Variants in PREX2 observed in about 807,000 individuals in gnomAD.
PREX2 encodes the protein phosphatidylinositol 3,4,5-trisphosphate-dependent Rac exchanger 2 protein.
In PREX2, 107 loss-of-function variants were observed where a neutral mutation model predicts 203.2. The observed-to-expected ratio is 0.53, with a 90% CI of 0.45 to 0.62. The LOEUF (loss-of-function observed/expected upper bound fraction) is 0.62. PREX2 is among the 20% of genes least tolerant of loss of function. PREX2 has a pLI of 0.00. For synonymous variants in PREX2, 672 were observed against 663.6 expected, an observed-to-expected ratio of 1.01 and a Z score of -0.19; for missense variants, 1,777 against 1,955.9, an observed-to-expected ratio of 0.91 and a Z score of 1.72.
chr8:68,083,661 C>T (rs1809597643), intron 18 of PREX2, among the ~76,000 whole-genome samples: 2 of 152,118 alleles, frequency 1.3e-5, no homozygotes, highest in Non-Finnish European at 2.9e-5. Context: ...TTGGGTTTTA[C>T]TATGAGTGAA....
chr8:68,185,019 T>A (rs1405973665), intron 35 of PREX2, among the ~76,000 whole-genome samples: 1 of 152,174 alleles, frequency 6.6e-6, no homozygotes, highest in Non-Finnish European at 1.5e-5. Flanking sequence ...AATCTCAGCG[T>A]TCCTCAGACT....
At chr8:68,014,460 A>T (rs915702213) in intron 1 of PREX2, among the ~76,000 whole-genome samples, 1 of 151,952 alleles carries the variant, frequency 6.6e-6, no homozygotes, top group East Asian at 1.9e-4. Flanking sequence ...GGGGGGCGGC[A>T]TATGTGAGAG....
chr8:67,984,074 A>G (rs1051381461), intron 1 of PREX2, among the ~76,000 whole-genome samples: 2 of 152,144 alleles, frequency 1.3e-5, no homozygotes, highest in South Asian at 4.1e-4. Context: ...TTCCTCCCCA[A>G]CTTGAATTTC....
intron 14 of PREX2, among the ~76,000 whole-genome samples, chr8:68,074,118 C>G (rs555756988): frequency 4.0e-5 from 6 of 151,760 alleles, no homozygotes; most frequent in African/African-American, 1.5e-4. Flanking sequence ...AGGTGTGCAC[C>G]GCTACACCTG....
intron 37 of PREX2, among the ~76,000 whole-genome samples, chr8:68,203,416 TGGG>T (rs1205726979): frequency 1.8e-4 from 28 of 152,200 alleles, no homozygotes; most frequent in African/African-American, 6.5e-4. Context: ...TGTCCTTTGA[TGGG>T]TTCACAGTTG....
chr8:68,060,599 G>A lies in PREX2; in HGVS notation c.1239-80G>A, dbSNP rs1421763044. 3 of 841,810 alleles carry A rather than the reference G, an allele frequency of 3.6e-6. No individual in the cohort carries two copies. In the African/African-American group the frequency reaches 5.2e-5, roughly 15 times the overall value. The allele number at this position is 841,810 out of a possible 1,614,324, so 52.1% of individuals were successfully genotyped here. A position where few individuals can be genotyped will look rare whatever the true frequency, so the allele number is the denominator to read the frequency against. ...ATATTTTGAGATTCCTTTCATCATT[G>A]CTTCATGACTGGATGGTATAGAAAG... On this transcript the variant is annotated intron_variant, in intron 10 of 39. Transcript: ENST00000288368.
intron 1 of PREX2, among the ~76,000 whole-genome samples, chr8:67,962,547 A>G (rs551386512): frequency 2.0e-5 from 3 of 151,468 alleles, no homozygotes; most frequent in Middle Eastern, 3.5e-3. Context: ...CTGTATAACT[A>G]TGTCAAATTT....
intron 23 of PREX2, chr8:68,103,795 G>T (rs183094076): frequency 1.4e-5 from 7 of 506,116 alleles, no homozygotes; most frequent in Non-Finnish European, 2.8e-5. Context: ...TTCTTGTGGG[G>T]GCTCCTCTGT....
chr8:68,089,891 A>G (rs1391074567), intron 19 of PREX2, among the ~76,000 whole-genome samples: 1 of 152,224 alleles, frequency 6.6e-6, no homozygotes, highest in Non-Finnish European at 1.5e-5. Context: ...ACACTATCAA[A>G]TAACAATAAT....
intron 35 of PREX2, among the ~76,000 whole-genome samples, chr8:68,164,385 T>C (rs11778364): frequency 6.6e-6 from 1 of 151,486 alleles, no homozygotes; most frequent in Non-Finnish European, 1.5e-5. Context: ...CACATATATA[T>C]ACACACACAC....
intron 1 of PREX2, among the ~76,000 whole-genome samples, chr8:68,016,535 G>T (rs1176975935): frequency 6.6e-6 from 1 of 152,044 alleles, no homozygotes; most frequent in Admixed American, 6.6e-5. Flanking sequence ...TCAATACAAT[G>T]AATCCCCTTG....
In PREX2 at chr8:68,134,450, G is replaced by A. The variant is rs180832183; in HGVS notation, c.3984+174G>A. Among the ~76,000 whole-genome samples, 54 of 152,292 alleles carry A rather than the reference G, an allele frequency of 3.5e-4. 1 individual carries two copies. In the East Asian group the frequency reaches 0.01, roughly 28 times the overall value. The stretch of plus-strand genomic sequence containing the variant: ...TGGTCCTTCAAATTTTAATAAGTAT[G>A]TAGAATGTATTCCTTCTTTCCTGAT... On this transcript the variant is annotated intron_variant, in intron 32 of 39. Transcript: ENST00000288368.
chr8:68,060,436 T>C (rs1178262527), intron 10 of PREX2, among the ~76,000 whole-genome samples: 1 of 152,240 alleles, frequency 6.6e-6, no homozygotes, highest in African/African-American at 2.4e-5. Flanking sequence ...ACAAGTTGAA[T>C]AGTTTAAAAC....
rs190601747 is a variant in PREX2, at chr8:68,074,235, G to T, written c.1569+1665G>T. ...CTGCCTCAGCCTCCCAAAGGGCTCGGATTACAGGTGTGAGCTACCACGCCC... is the reference window on the plus strand; with the variant it reads ...CTGCCTCAGCCTCCCAAAGGGCTCGTATTACAGGTGTGAGCTACCACGCCC... On this transcript the variant is annotated intron_variant, in intron 14 of 39. Transcript: ENST00000288368. 6.3e-3 allele frequency among the ~76,000 whole-genome samples: 956 copies of T among 152,192 alleles called. 8 individuals are homozygous for T. Among genetic ancestry groups the T allele is most frequent in the South Asian group, 0.041 (199 of 4,816 alleles).
intron 30 of PREX2, among the ~76,000 whole-genome samples, chr8:68,124,468 A>G (rs986325181): frequency 6.6e-6 from 1 of 152,006 alleles, no homozygotes; most frequent in African/African-American, 2.4e-5. Flanking sequence ...GAGAGGAACA[A>G]CACATACTGG....
intron 1 of PREX2, among the ~76,000 whole-genome samples, chr8:67,975,152 A>G (rs1806037675): frequency 6.6e-6 from 1 of 151,616 alleles, no homozygotes; most frequent in African/African-American, 2.4e-5. Context: ...TCAAAACTGT[A>G]GCTCACCCTG....
At chr8:68,115,965 A>G (rs1471196487) in intron 26 of PREX2, 33 bp downstream of exon 26, 1 of 1,523,128 alleles carries the variant, frequency 6.6e-7, no homozygotes, top group Non-Finnish European at 8.9e-7. Context: ...TCATTTTCTT[A>G]ACAAAGTCAA....
chr8:68,138,302 T>A (rs570945242), intron 32 of PREX2, 113 bp from the exon 33 acceptor site: 57 of 463,474 alleles, frequency 1.2e-4, no homozygotes, highest in African/African-American at 1.1e-3. Flanking sequence ...GTTTTGTACC[T>A]GTATATAAAT....
chr8:68,221,596 A>G (rs1463258591), intron 38 of PREX2, among the ~76,000 whole-genome samples: 4 of 152,178 alleles, frequency 2.6e-5, no homozygotes, highest in African/African-American at 9.7e-5. Flanking sequence ...GCAGACAGGA[A>G]GGGAAGGGGG....
Sources: allele counts gnomAD v4.1 joint callset (sites outside exome capture counted in the v4.1 genomes callset), GRCh38; gene constraint gnomAD v4.1.1; transcripts MANE v1.5; gene names NCBI Gene and HGNC (gene_info 2026-07-23, HGNC 2026-07-21).